Variants in ARID1B observed in about 807,000 individuals in gnomAD.
ARID1B encodes AT-rich interaction domain 1B.
A neutral mutation model predicts 212.3 loss-of-function variants in ARID1B; 30 were observed. The observed-to-expected ratio is 0.14, with a 90% CI of 0.11 to 0.19. The LOEUF (loss-of-function observed/expected upper bound fraction) is 0.19, where lower values mean the gene tolerates loss of function less well. Ranked by LOEUF, ARID1B falls within the 10% of genes least tolerant of loss-of-function variation. The pLI is 1.00. For missense variants in ARID1B, 2,891 were observed against 3,204.0 expected, an observed-to-expected ratio of 0.90 and a Z score of 2.36; for synonymous variants, 1,402 against 1,301.7, an observed-to-expected ratio of 1.08 and a Z score of -1.66.
At chr6:157,189,830 T>G in intron 14 of ARID1B, 50 bp downstream of exon 14, 1 of 1,610,208 alleles carries the variant, frequency 6.2e-7, no homozygotes, top group Non-Finnish European at 8.5e-7. Context: ...TTGTTCATCT[T>G]TTAGTTTTCT....
At chr6:156,824,672 T>C (rs1210901678) in intron 1 of ARID1B, among the ~76,000 whole-genome samples, 1 of 151,782 alleles carries the variant, frequency 6.6e-6, no homozygotes, top group African/African-American at 2.4e-5. Context: ...GGCTGAGACA[T>C]GAGAATCACT....
intron 8 of ARID1B, among the ~76,000 whole-genome samples, chr6:157,158,475 G>A (rs866537777): frequency 6.6e-6 from 1 of 152,214 alleles, no homozygotes; most frequent in Admixed American, 6.5e-5. Context: ...CCACTGACAA[G>A]CCCATTAAGG....
intron 3 of ARID1B, among the ~76,000 whole-genome samples, chr6:156,923,722 A>G (rs1268935145): frequency 6.9e-6 from 1 of 145,116 alleles, no homozygotes; most frequent in South Asian, 2.2e-4. Context: ...TTTTTTTTTT[A>G]AAGACAGAGT....
At chr6:157,069,948 G>A (rs753393455) in intron 4 of ARID1B, among the ~76,000 whole-genome samples, 2 of 152,190 alleles carry the variant, frequency 1.3e-5, no homozygotes, top group Non-Finnish European at 2.9e-5. Context: ...TAAAAGGCAT[G>A]ATGTAATTCA....
At chr6:156,816,915 AT>A (rs1174888163) in intron 1 of ARID1B, among the ~76,000 whole-genome samples, 1 of 152,126 alleles carries the variant, frequency 6.6e-6, no homozygotes, top group Non-Finnish European at 1.5e-5. Flanking sequence ...TATTGATAAG[AT>A]TTCTGATCAA....
intron 15 of ARID1B, among the ~76,000 whole-genome samples, chr6:157,193,153 C>A (rs151185454): frequency 6.6e-6 from 1 of 151,988 alleles, no homozygotes; most frequent in Non-Finnish European, 1.5e-5. Context: ...TAGTATATAT[C>A]GAATTTATAT....
chr6:156,869,300 C>T (rs1044198256), intron 2 of ARID1B, among the ~76,000 whole-genome samples: 6 of 152,004 alleles, frequency 3.9e-5, no homozygotes, highest in African/African-American at 9.7e-5. Flanking sequence ...CATAGGTCAT[C>T]GTGTTTTTTG....
At chr6:156,987,829 C>T (rs1045817989) in intron 4 of ARID1B, among the ~76,000 whole-genome samples, 2 of 152,308 alleles carry the variant, frequency 1.3e-5, no homozygotes, top group Admixed American at 1.3e-4. Flanking sequence ...GTATCTTGCT[C>T]GAATCTAGAA....
chr6:157,190,681 G>A lies in ARID1B; in HGVS notation c.4231+471G>A, dbSNP rs1024166318. Among the ~76,000 whole-genome samples, 1 of 152,194 alleles carries A rather than the reference G, an allele frequency of 6.6e-6. No homozygotes were observed. Among genetic ancestry groups the A allele is most frequent in the Non-Finnish European group, 1.5e-5 (1 of 68,044 alleles). On this transcript the variant is annotated intron_variant, in intron 15 of 19. Coordinates refer to ENST00000636930, the MANE Select transcript of ARID1B (RefSeq NM_001374828.1). This position sits in a 1 kb window ranked among gnomAD's most constrained non-coding sequence, Gnocchi z 4.6. ...GCTCGTGGATTGGTAAATCAGAGTC[G>A]CTGCCCACCTTCAGGGAATCACAGA... is the stretch of plus-strand genomic sequence containing the variant.
chr6:157,139,252 C>T (rs1789166664), intron 7 of ARID1B, among the ~76,000 whole-genome samples: 3 of 152,214 alleles, frequency 2.0e-5, no homozygotes, highest in African/African-American at 7.2e-5. Context: ...ACCGTACGCA[C>T]CATGTCAGGT....
At chr6:157,138,683 T>G (rs1789117668) in intron 7 of ARID1B, among the ~76,000 whole-genome samples, 1 of 152,156 alleles carries the variant, frequency 6.6e-6, no homozygotes, top group Non-Finnish European at 1.5e-5. Context: ...AAAGACTAGA[T>G]TCTGTGCAGG....
chr6:157,189,618 T>G lies in ARID1B; in HGVS notation c.3920-24T>G, dbSNP rs762292895. Reference sequence around the variant, plus strand: ...TGATAATCTCTGGATTTCTTCCTGTTTCTCTTGGTGCTGCTACTATCAGCT... The same window carrying G: ...TGATAATCTCTGGATTTCTTCCTGTGTCTCTTGGTGCTGCTACTATCAGCT... On this transcript the variant is annotated intron_variant, in intron 13 of 19. Transcript: ENST00000636930. The G allele has an allele frequency of 7.0e-6, 11 of 1,580,046 alleles. No homozygotes were observed. The East Asian group carries it at 1.4e-4, about 20-fold the overall frequency.
At chr6:156,938,261 C>CT (rs1453560741) in intron 4 of ARID1B, 1 of 152,136 alleles carries the variant, frequency 6.6e-6, no homozygotes, top group African/African-American at 2.4e-5. Flanking sequence ...TGTTGATACT[C>CT]TGTTACGGCT....
chr6:157,033,195 A>T (rs1781120928), intron 4 of ARID1B, among the ~76,000 whole-genome samples: 1 of 152,214 alleles, frequency 6.6e-6, no homozygotes, highest in Non-Finnish European at 1.5e-5. Flanking sequence ...TCAGCAGTGC[A>T]AGGCTGTGAT....
chr6:156,880,739 C>CAAAAAAAAAAAA (rs141153792), intron 2 of ARID1B, among the ~76,000 whole-genome samples: 77 of 86,962 alleles, frequency 8.9e-4, no homozygotes, highest in Admixed American at 1.8e-3. Context: ...GACTCTGTCT[C>CAAAAAAAAAAAA]AAAAAAAAAA....
At chr6:156,937,421 T>A (rs1034976854) in intron 4 of ARID1B, 2 of 152,236 alleles carry the variant, frequency 1.3e-5, no homozygotes, top group Non-Finnish European at 2.9e-5. Flanking sequence ...GATTTTGTAC[T>A]GTGACACAGG....
chr6:157,153,462 T>C (rs994547003), intron 8 of ARID1B, among the ~76,000 whole-genome samples: 1 of 151,964 alleles, frequency 6.6e-6, no homozygotes, highest in Non-Finnish European at 1.5e-5. Context: ...TTTGAAGATA[T>C]AAGAAACAGA....
chr6:157,160,533 G>A (rs745339020), intron 8 of ARID1B, among the ~76,000 whole-genome samples: 5 of 152,084 alleles, frequency 3.3e-5, no homozygotes, highest in Admixed American at 6.5e-5. Flanking sequence ...GCCTCGTAAC[G>A]GTCAGCCCCA....
intron 2 of ARID1B, among the ~76,000 whole-genome samples, chr6:156,876,555 A>G (rs1786572054): frequency 6.6e-6 from 1 of 152,196 alleles, no homozygotes; most frequent in African/African-American, 2.4e-5. Flanking sequence ...GTTTGCCCCC[A>G]TAAAAACATG....
Sources: gnomAD v4.1 joint callset for allele counts (sites outside exome capture counted in the v4.1 genomes callset) on GRCh38, gnomAD v4.1.1 for gene constraint, Gnocchi (gnomAD v3.1) non-coding constraint, MANE v1.5 for transcripts, NCBI Gene and HGNC (gene_info 2026-07-23, HGNC 2026-07-21) for gene names.